APP: variants seen among roughly 807,000 people sequenced by gnomAD.
APP encodes the protein amyloid beta precursor protein.
APP carries 31 observed loss-of-function variants against 101.4 expected under a neutral mutation model. That is an observed-to-expected ratio of 0.31 (90% CI 0.23 to 0.41). APP has a LOEUF of 0.41. Among genes scored for constraint, APP ranks in the 10% least tolerant of loss-of-function variants. The pLI is 1.00. For missense variants in APP, 839 were observed against 1,003.7 expected (o/e 0.84, Z 2.22); for synonymous variants, 366 against 364.4 (o/e 1.00, Z -0.05).
intron 1 of APP, among the ~76,000 whole-genome samples, chr21:26,151,212 G>T (rs1041174230): frequency 1.3e-5 from 2 of 151,164 alleles, no homozygotes; most frequent in Non-Finnish European, 1.5e-5. Flanking sequence ...TAACAGCAGT[G>T]AAGTGGCAAG....
At chr21:25,908,085 G>A (rs1021283371) in intron 14 of APP, among the ~76,000 whole-genome samples, 3 of 152,224 alleles carry the variant, frequency 2.0e-5, no homozygotes, top group Non-Finnish European at 2.9e-5. Context: ...GCTGCTCTTT[G>A]TGGCTGCCCT....
chr21:25,976,648 CA>C (rs1448368383), intron 9 of APP, among the ~76,000 whole-genome samples: 1 of 152,158 alleles, frequency 6.6e-6, no homozygotes. Context: ...TAAGTCCTTC[CA>C]AAAACTCCAA....
intron 8 of APP, among the ~76,000 whole-genome samples, chr21:25,983,446 T>G (rs1055515514): frequency 2.0e-5 from 3 of 152,204 alleles, no homozygotes; most frequent in African/African-American, 7.2e-5. Context: ...ACCTGTGTAT[T>G]ACATTTGGGA....
At chr21:26,046,353 T>G (rs1437350487) in intron 5 of APP, among the ~76,000 whole-genome samples, 3 of 150,152 alleles carry the variant, frequency 2.0e-5, no homozygotes, top group African/African-American at 7.4e-5. Context: ...GAGGTTGCAG[T>G]GAGCCAAGAT....
chr21:25,917,382 G>C (rs1429119572), intron 13 of APP, among the ~76,000 whole-genome samples: 1 of 151,662 alleles, frequency 6.6e-6, no homozygotes, highest in Non-Finnish European at 1.5e-5. Context: ...AACATCAAAA[G>C]ATAATAATTT....
At chr21:26,003,032 A>G (rs2043364501) in intron 6 of APP, among the ~76,000 whole-genome samples, 1 of 152,238 alleles carries the variant, frequency 6.6e-6, no homozygotes, top group South Asian at 2.1e-4. Flanking sequence ...TGATAAAGGC[A>G]CAATCTCCCC....
intron 13 of APP, among the ~76,000 whole-genome samples, chr21:25,931,221 G>A (rs2146394516): frequency 6.6e-6 from 1 of 152,290 alleles, no homozygotes; most frequent in Admixed American, 6.5e-5. Context: ...CTGGGCTTTA[G>A]GGATGTGACT....
At chr21:26,126,358 C>T (rs973664840) in intron 1 of APP, among the ~76,000 whole-genome samples, 2 of 152,194 alleles carry the variant, frequency 1.3e-5, no homozygotes, top group African/African-American at 2.4e-5. Context: ...GTACACCTAA[C>T]GCTAACCAAC....
chr21:25,945,283 A>G (rs1422389926), intron 13 of APP, among the ~76,000 whole-genome samples: 1 of 151,996 alleles, frequency 6.6e-6, no homozygotes, highest in Non-Finnish European at 1.5e-5. Flanking sequence ...TTTCGAGGCA[A>G]ATATCAGTTC....
At chr21:26,046,614 G>C (rs1374640544) in intron 5 of APP, among the ~76,000 whole-genome samples, 18 of 151,972 alleles carry the variant, frequency 1.2e-4, no homozygotes, top group Admixed American at 1.2e-3. Context: ...ACGCTCACCA[G>C]TGTCTGCAAA....
intron 13 of APP, among the ~76,000 whole-genome samples, chr21:25,946,168 T>C (rs2040811976): frequency 6.6e-6 from 1 of 152,160 alleles, no homozygotes; most frequent in African/African-American, 2.4e-5. Context: ...TTTCGGACAA[T>C]GGTTTCCTAG....
At chr21:26,000,589 C>T (rs2043251027) in intron 6 of APP, among the ~76,000 whole-genome samples, 1 of 152,304 alleles carries the variant, frequency 6.6e-6, no homozygotes, top group African/African-American at 2.4e-5. Context: ...AAAGTTTAAG[C>T]CCTCACAAAC....
intron 1 of APP, 26 bp from the exon 2 acceptor site, chr21:26,112,172 A>T (rs1174532467): frequency 1.2e-6 from 2 of 1,611,808 alleles, no homozygotes; most frequent in African/African-American, 2.7e-5. Context: ...TCAGTTAGTT[A>T]TAGTATCCAT....
chr21:26,084,027 A>T (rs1385656066), intron 3 of APP, among the ~76,000 whole-genome samples: 1 of 152,106 alleles, frequency 6.6e-6, no homozygotes, highest in Non-Finnish European at 1.5e-5. Flanking sequence ...CTGGAAACGG[A>T]GCCAAGAAAC....
intron 11 of APP, among the ~76,000 whole-genome samples, chr21:25,969,605 C>T (rs1375462377): frequency 1.3e-5 from 2 of 151,650 alleles, no homozygotes; most frequent in African/African-American, 4.8e-5. Context: ...TTTAAAAAGC[C>T]GAGGTGAAAG....
In APP at chr21:26,158,684, T is replaced by A. The variant is rs144817042; in HGVS notation, c.57+11880A>T. Among the ~76,000 whole-genome samples, 272 of 152,342 alleles carry A rather than the reference T, an allele frequency of 1.8e-3. 1 individual carries two copies. The highest frequency in any genetic ancestry group is 5.5e-3 in the African/African-American group (229 of 41,570). On this transcript the variant is annotated intron_variant, in intron 1 of 17. Transcript: ENST00000346798. The stretch of plus-strand genomic sequence containing the variant: ...ACTCATTAAGGGCATCCAAAATTTA[T>A]AATTTCACACTGTCTCCTTCACTTA...
chr21:26,022,908 C>G (rs2044406240), intron 5 of APP, among the ~76,000 whole-genome samples: 1 of 147,028 alleles, frequency 6.8e-6, no homozygotes, highest in South Asian at 2.2e-4. Context: ...GGAACTCACA[C>G]AGGTGGAAGA....
chr21:25,963,539 A>T (rs1419391487), intron 11 of APP, among the ~76,000 whole-genome samples: 1 of 152,196 alleles, frequency 6.6e-6, no homozygotes, highest in Non-Finnish European at 1.5e-5. Context: ...CTCCTGGAGC[A>T]TTAAATTGCA....
intron 7 of APP, 67 bp downstream of exon 7, chr21:25,999,948 T>C (rs1471388839): frequency 1.2e-5 from 19 of 1,553,096 alleles, no homozygotes; most frequent in Non-Finnish European, 1.7e-5. Flanking sequence ...AATCAATCTG[T>C]TACAAAAAGC....
Sources: allele counts gnomAD v4.1 joint callset (sites outside exome capture counted in the v4.1 genomes callset), GRCh38; gene constraint gnomAD v4.1.1; transcripts MANE v1.5; gene names NCBI Gene and HGNC (gene_info 2026-07-23, HGNC 2026-07-21).